The following DTWD2 variants were observed in gnomAD, a reference collection of about 807,000 sequenced individuals.
DTWD2 encodes tRNA-uridine aminocarboxypropyltransferase 2.
A neutral mutation model predicts 31.8 loss-of-function variants in DTWD2; 39 were observed. The ratio of observed to expected loss-of-function variants is 1.22; its 90% CI spans 0.95 to 1.60. The LOEUF is 1.60. Among genes scored for constraint, DTWD2 ranks in the 40% most tolerant of loss-of-function variants. The pLI is 0.00. For synonymous variants in DTWD2, 180 were observed against 142.8 expected (o/e 1.26, Z -1.86); for missense variants, 515 against 381.5 (o/e 1.35, Z -2.92).
intron 3 of DTWD2, among the ~76,000 whole-genome samples, chr5:118,936,644 A>AT (rs201336227): frequency 1.1e-4 from 17 of 150,438 alleles, no homozygotes; most frequent in African/African-American, 3.4e-4. Context: ...ATCTCAATTT[A>AT]TTTTTTTTTT....
In DTWD2 at chr5:118,837,492, C is replaced by A. The variant is rs180990651; in HGVS notation, c.*3425G>T. ...CTTCTGAACCAATAACAACTACAGG[C>A]AAGGGTCAACAATTTAGCTCCCTGA... is the stretch of plus-strand genomic sequence containing the variant. On this transcript the variant is annotated 3_prime_UTR_variant, in exon 6 of 6. Transcript: ENST00000510708. 2.1e-4 allele frequency: 32 copies of A among 152,186 alleles called. No homozygotes were observed. The East Asian group carries it at 4.6e-3, about 22-fold the overall frequency. 9.4% of individuals were successfully genotyped at this position (152,186 alleles called of 1,614,324 possible).
intron 4 of DTWD2, among the ~76,000 whole-genome samples, chr5:118,927,664 A>G (rs988206860): frequency 5.9e-5 from 9 of 152,114 alleles, no homozygotes; most frequent in Non-Finnish European, 5.9e-5. Context: ...GAGAAATATA[A>G]AAGTTATTAA....
Position 118,848,096 on chromosome 5 carries a change from T to C in DTWD2, c.720A>G (p.Ile240Met), listed in dbSNP as rs1427229050. 1 of 1,571,022 alleles carries C rather than the reference T, an allele frequency of 6.4e-7. No homozygotes were observed. The highest frequency in any genetic ancestry group is 1.2e-5 in the South Asian group (1 of 81,842). Residue 240 changes from isoleucine to methionine, a missense_variant, in exon 5 of 6, where the codon ATA becomes ATG. Transcript: ENST00000510708. ...TAACCTTACAAAGACGTACCTCTTG[T>C]ATGTAATTATTTTTCTCCAAGATGG... ...ALSILEKNNY[I>M]QETLLRPLQA...
intron 1 of DTWD2, among the ~76,000 whole-genome samples, chr5:118,962,451 C>A (rs549191516): frequency 6.6e-6 from 1 of 152,158 alleles, no homozygotes; most frequent in South Asian, 2.1e-4. Context: ...AAATTCCCAT[C>A]ACGAGGCAAT....
Position 118,988,496 on chromosome 5 carries a change from C to T in DTWD2, c.16G>A (p.Glu6Lys). The stretch of plus-strand genomic sequence containing the variant: ...ACGGGCTCCTGGAGTGTTCGTGCCT[C>T]TTTCTGCGACTCCATGGCGGACACT... MESQK[E>K]ARTLQEPVAR... is the part of the protein sequence containing the mutation. Residue 6 changes from glutamate (E) to lysine (K), a missense_variant, in exon 1 of 6, where the codon GAG becomes AAG. Coordinates refer to ENST00000510708, the MANE Select transcript of DTWD2 (RefSeq NM_173666.4). The T allele has an allele frequency of 1.3e-6, 2 of 1,578,136 alleles. No homozygotes were observed. Among genetic ancestry groups the T allele is most frequent in the Non-Finnish European group, 1.7e-6 (2 of 1,164,590 alleles).
chr5:118,853,360 A>ACC (rs1174325810), intron 4 of DTWD2, among the ~76,000 whole-genome samples: 1 of 152,226 alleles, frequency 6.6e-6, no homozygotes, highest in East Asian at 1.9e-4. Flanking sequence ...AAGAAATGAA[A>ACC]ATAGAACCAC....
chr5:118,945,406 G>T (rs1320874132), intron 1 of DTWD2, among the ~76,000 whole-genome samples: 1 of 152,008 alleles, frequency 6.6e-6, no homozygotes, highest in Non-Finnish European at 1.5e-5. Context: ...TCCTTCCAAA[G>T]GTAATGTATG....
intron 4 of DTWD2, among the ~76,000 whole-genome samples, chr5:118,856,401 T>C (rs538059212): frequency 6.6e-6 from 1 of 152,198 alleles, no homozygotes; most frequent in Non-Finnish European, 1.5e-5. Flanking sequence ...TATGTATTCA[T>C]TGAAATATTT....
chr5:118,946,615 T>A (rs1033854176), intron 1 of DTWD2, among the ~76,000 whole-genome samples: 3 of 152,178 alleles, frequency 2.0e-5, no homozygotes, highest in Non-Finnish European at 2.9e-5. Context: ...ATAAAGTATC[T>A]CTATGCTAAT....
chr5:118,966,904 C>T (rs1474843507), intron 1 of DTWD2, among the ~76,000 whole-genome samples: 2 of 151,932 alleles, frequency 1.3e-5, no homozygotes, highest in East Asian at 1.9e-4. Context: ...GTGGCAGGTG[C>T]CTGTAAGTCC....
At chr5:118,941,319 C>G (rs1754193857) in intron 2 of DTWD2, among the ~76,000 whole-genome samples, 1 of 152,128 alleles carries the variant, frequency 6.6e-6, no homozygotes, top group Admixed American at 6.5e-5. Context: ...AATGCTATCC[C>G]TCCCCACACC....
chr5:118,890,506 T>A (rs1285034830), intron 4 of DTWD2, among the ~76,000 whole-genome samples: 1 of 151,654 alleles, frequency 6.6e-6, no homozygotes, highest in Non-Finnish European at 1.5e-5. Context: ...CATAAATTTC[T>A]CTATTTCAGA....
intron 4 of DTWD2, among the ~76,000 whole-genome samples, chr5:118,924,810 C>T (rs1753776079): frequency 6.6e-6 from 1 of 152,088 alleles, no homozygotes; most frequent in Non-Finnish European, 1.5e-5. Flanking sequence ...CAAATTGCGG[C>T]TATGCTATGA....
At chr5:118,845,727 A>C (rs1751837118) in intron 5 of DTWD2, among the ~76,000 whole-genome samples, 1 of 152,234 alleles carries the variant, frequency 6.6e-6, no homozygotes, top group South Asian at 2.1e-4. Context: ...GACAACAATA[A>C]CAAAAGCTGA....
intron 1 of DTWD2, among the ~76,000 whole-genome samples, chr5:118,968,120 A>G (rs1278565176): frequency 1.3e-5 from 2 of 152,190 alleles, no homozygotes; most frequent in African/African-American, 4.8e-5. Context: ...TAATCATGAG[A>G]AATCATAAGT....
rs1195748112 is a variant in DTWD2, at chr5:118,939,262, A to C, written c.338T>G (p.Leu113Arg). The change falls in exon 3 of 6, where the codon CTA (leucine) becomes CGA (arginine). Residue 113 changes from leucine (L) to arginine (R), a missense_variant. Coordinates refer to ENST00000510708, the MANE Select transcript of DTWD2 (RefSeq NM_173666.4). ...GTCCTGGGGGAGGCATGCTGCTAGT[A>C]GAGGAACTGTACGCAACACTTTGTT... is the stretch of plus-strand genomic sequence containing the variant. ...EENKVLRTVP[L>R]LAACLPQDKC... 1 of 1,599,934 alleles carries C rather than the reference A, an allele frequency of 6.3e-7. No individual in the cohort carries two copies. The highest frequency in any genetic ancestry group is 8.5e-7 in the Non-Finnish European group (1 of 1,172,760).
intron 4 of DTWD2, among the ~76,000 whole-genome samples, chr5:118,875,597 A>C: frequency 6.6e-6 from 1 of 151,476 alleles, no homozygotes; most frequent in African/African-American, 2.4e-5. Flanking sequence ...ACTTTAAACC[A>C]ACAAAGATCA....
chr5:118,842,789 T>C (rs1751749597), intron 5 of DTWD2, among the ~76,000 whole-genome samples: 1 of 140,620 alleles, frequency 7.1e-6, no homozygotes, highest in Non-Finnish European at 1.6e-5. Flanking sequence ...AAAAAGAAAA[T>C]AGAAAAAATT....
intron 4 of DTWD2, among the ~76,000 whole-genome samples, chr5:118,858,384 C>A (rs948458811): frequency 6.6e-6 from 1 of 152,100 alleles, no homozygotes; most frequent in African/African-American, 2.4e-5. Flanking sequence ...TGACACAGAC[C>A]AGTACTTTAA....
Sources: allele counts gnomAD v4.1 joint callset (sites outside exome capture counted in the v4.1 genomes callset), GRCh38; gene constraint gnomAD v4.1.1; transcripts MANE v1.5; gene names NCBI Gene and HGNC (gene_info 2026-07-23, HGNC 2026-07-21).